The following CELF1 variants were observed in gnomAD, a reference collection of about 807,000 sequenced individuals.
CELF1 encodes CUGBP Elav-like family member 1.
A neutral mutation model predicts 61.8 loss-of-function variants in CELF1; 10 were observed. The ratio of observed to expected loss-of-function variants is 0.16; its 90% CI spans 0.10 to 0.27. The LOEUF (loss-of-function observed/expected upper bound fraction) is 0.27. CELF1 is among the 10% of genes least tolerant of loss of function. The pLI, the probability that CELF1 is intolerant of heterozygous loss-of-function variation, is 1.00. For synonymous variants in CELF1, 236 were observed against 225.1 expected (o/e 1.05, Z -0.43); for missense variants, 380 against 639.1 (o/e 0.59, Z 4.37).
intron 2 of CELF1, chr11:47,564,238 G>C (rs1294639422): frequency 6.6e-6 from 1 of 151,052 alleles, no homozygotes; most frequent in Non-Finnish European, 1.5e-5. Context: ...CTGGCACTTT[G>C]GGAGGCCAGG....
chr11:47,497,890 T>C (rs906206651), intron 3 of CELF1, among the ~76,000 whole-genome samples: 1 of 152,204 alleles, frequency 6.6e-6, no homozygotes, highest in East Asian at 1.9e-4. Context: ...TGTGTCAATG[T>C]TGGGTTGAAC....
chr11:47,493,346 A>AG (rs2153508354), intron 3 of CELF1, among the ~76,000 whole-genome samples: 1 of 150,424 alleles, frequency 6.6e-6, no homozygotes, highest in East Asian at 2.0e-4. Context: ...ACTTAAAAAA[A>AG]AAAAAAAAAA....
chr11:47,473,836 G>C (rs972979677), intron 13 of CELF1, among the ~76,000 whole-genome samples: 1 of 152,196 alleles, frequency 6.6e-6, no homozygotes, highest in African/African-American at 2.4e-5. Context: ...ATGCACCCAT[G>C]ATTAACACTG....
upstream of CELF1, among the ~76,000 whole-genome samples, chr11:47,553,986 A>G (rs1298309854): frequency 6.6e-6 from 1 of 152,112 alleles, no homozygotes; most frequent in East Asian, 1.9e-4. Flanking sequence ...TTAAATGCAG[A>G]TTAAGAAAGA....
intron 1 of CELF1, among the ~76,000 whole-genome samples, chr11:47,534,940 TGATCTGTG>T (rs1231563739): frequency 2.0e-5 from 3 of 152,212 alleles, no homozygotes; most frequent in African/African-American, 7.2e-5. Context: ...TTTACAAGTC[TGATCTGTG>T]GATCTGTTTT....
chr11:47,473,901 CT>C (rs910868289), intron 13 of CELF1, among the ~76,000 whole-genome samples: 2 of 90,376 alleles, frequency 2.2e-5, no homozygotes, highest in South Asian at 3.0e-4. Flanking sequence ...CAATGATTTT[CT>C]TTTTTTTTCT....
At chr11:47,473,915 C>CT (rs1010529344) in intron 13 of CELF1, among the ~76,000 whole-genome samples, 15 of 131,746 alleles carry the variant, frequency 1.1e-4, no homozygotes, top group East Asian at 2.3e-4. Context: ...TTTTTTCTTT[C>CT]TTTTTTTTTG....
intron 1 of CELF1, among the ~76,000 whole-genome samples, chr11:47,541,716 AAGAAAGAAAGAACGAAAGAAAGAACG>A: frequency 1.8e-4 from 1 of 5,422 alleles, no homozygotes; most frequent in African/African-American, 4.3e-4. Context: ...GAAAGAAAGA[AAGAAAGAAAGAACGAAAGAAAGAACG>A]AAAGAAAGAA....
intron 14 of CELF1, among the ~76,000 whole-genome samples, chr11:47,472,612 T>C (rs2078133760): frequency 6.6e-6 from 1 of 152,182 alleles, no homozygotes; most frequent in South Asian, 2.1e-4. Flanking sequence ...TGGAGTACAG[T>C]GGTGTGACCA....
chr11:47,483,062 G>T (rs1039649146), intron 8 of CELF1, among the ~76,000 whole-genome samples: 1 of 151,898 alleles, frequency 6.6e-6, no homozygotes, highest in Non-Finnish European at 1.5e-5. Flanking sequence ...AGGAATTTTA[G>T]ACCAGCCTGG....
At chr11:47,537,009 C>T (rs2096645758) in intron 1 of CELF1, among the ~76,000 whole-genome samples, 1 of 152,016 alleles carries the variant, frequency 6.6e-6, no homozygotes, top group Non-Finnish European at 1.5e-5. Context: ...CTCTTGGATG[C>T]TTTATTCATT....
intron 12 of CELF1, 58 bp downstream of exon 12, chr11:47,476,787 GT>G: frequency 7.5e-7 from 1 of 1,333,696 alleles, no homozygotes; most frequent in Non-Finnish European, 1.1e-6. Flanking sequence ...CCCTACCAGG[GT>G]TAAGATGTGC....
chr11:47,509,917 C>T (rs558209442), intron 1 of CELF1, among the ~76,000 whole-genome samples: 6 of 133,570 alleles, frequency 4.5e-5, no homozygotes, highest in African/African-American at 1.3e-4. Flanking sequence ...AAAAAAATGG[C>T]CGGACATGGT....
At position 47,489,247 on chromosome 11, in the gene CELF1, C is replaced by A. The variant is rs551309092; in HGVS notation, c.72-223G>T. Among the ~76,000 whole-genome samples, 4 of 151,952 alleles carry A rather than the reference C, an allele frequency of 2.6e-5. No individual in the cohort carries two copies. In the South Asian group the frequency reaches 8.3e-4, roughly 31 times the overall value. On this transcript the variant is annotated intron_variant, in intron 3 of 14. Transcript: ENST00000687097. The stretch of plus-strand genomic sequence containing the variant: ...AAGTCACCATTCTGATTGGGACATC[C>A]CAGCTGTTACCAGGGAACTGACAGT...
chr11:47,481,415 T>A (rs2083179413), intron 9 of CELF1, among the ~76,000 whole-genome samples: 1 of 151,852 alleles, frequency 6.6e-6, no homozygotes, highest in African/African-American at 2.4e-5. Flanking sequence ...CAGGCGTGAG[T>A]CACAGCGCCC....
At chr11:47,499,082 T>C (rs2093573307) in intron 3 of CELF1, among the ~76,000 whole-genome samples, 5 of 151,972 alleles carry the variant, frequency 3.3e-5, no homozygotes, top group Admixed American at 3.3e-4. Flanking sequence ...AATACTTCCT[T>C]CCCAAAAGAT....
rs1177250671 is a variant in CELF1, at chr11:47,541,793, C to CGAAAGAAAGAAA, written c.-154+11187_-154+11198dup. Among the ~76,000 whole-genome samples, 33 of 13,858 alleles carry CGAAAGAAAGAAA rather than the reference C, an allele frequency of 2.4e-3. 4 individuals are homozygous for CGAAAGAAAGAAA. The highest frequency in any genetic ancestry group is 4.5e-3 in the African/African-American group (33 of 7,382). The allele number at this position is 13,858 out of a possible 152,430, so 9.1% of individuals were successfully genotyped here. ...ACGAAAGAAAGAACGAAAGAAAGAA[C>CGAAAGAAAGAAA]GAAAGAAAGAAAGAAAGAAAGAAAG... On this transcript the variant is annotated intron_variant, in intron 1 of 14. Transcript: ENST00000687097.
At chr11:47,540,896 A>G (rs2096757844) in intron 1 of CELF1, among the ~76,000 whole-genome samples, 2 of 151,606 alleles carry the variant, frequency 1.3e-5, no homozygotes, top group Admixed American at 1.3e-4. Context: ...AACAACAACA[A>G]CAACAACAAC....
In CELF1 at chr11:47,482,859, G is replaced by A. The variant is rs763440810; in HGVS notation, c.607-3C>T. 5 of 1,612,158 alleles carry A rather than the reference G, an allele frequency of 3.1e-6. No individual in the cohort carries two copies. In the African/African-American group the frequency reaches 5.3e-5, roughly 17 times the overall value. On this transcript the variant is annotated splice_region_variant and splice_polypyrimidine_tract_variant and intron_variant, in intron 8 of 14. Coordinates refer to ENST00000687097, the MANE Select transcript of CELF1 (RefSeq NM_001376376.1). ...ACCACCATGGGTGATGAGCAACCCT[G>A]TGAAAAGACCATAACGAAAGGGTCA...
Sources: allele counts gnomAD v4.1 joint callset (sites outside exome capture counted in the v4.1 genomes callset), GRCh38; gene constraint gnomAD v4.1.1; transcripts MANE v1.5; gene names NCBI Gene and HGNC (gene_info 2026-07-23, HGNC 2026-07-21).